Variants in METTL15 observed in about 807,000 individuals in gnomAD.
The protein encoded by METTL15 is 12S rRNA N(4)-cytidine methyltransferase METTL15.
A neutral mutation model predicts 38.3 loss-of-function variants in METTL15; 34 were observed. That is an observed-to-expected ratio of 0.89 (90% CI 0.68 to 1.18). The LOEUF is 1.18. Among genes scored for constraint, METTL15 ranks in the 50% most tolerant of loss-of-function variants. The pLI, the probability that METTL15 is intolerant of heterozygous loss-of-function variation, is 0.00. For missense variants in METTL15, 438 were observed against 498.4 expected (o/e 0.88, Z 1.15); for synonymous variants, 162 against 170.9 (o/e 0.95, Z 0.41).
chr11:28,492,109 G>A (rs1455759003), intron 6 of METTL15, among the ~76,000 whole-genome samples: 1 of 152,088 alleles, frequency 6.6e-6, no homozygotes, highest in African/African-American at 2.4e-5. Flanking sequence ...AAGTATGGCT[G>A]GTTTAGAACA....
At chr11:28,220,092 C>G (rs949744620) in intron 4 of METTL15, among the ~76,000 whole-genome samples, 2 of 152,130 alleles carry the variant, frequency 1.3e-5, no homozygotes, top group Non-Finnish European at 2.9e-5. Context: ...TTGTGCAGAG[C>G]TGAGTTCAAT....
downstream of METTL15, among the ~76,000 whole-genome samples, chr11:28,530,805 C>T (rs145640278): frequency 6.6e-6 from 1 of 151,876 alleles, no homozygotes; most frequent in Non-Finnish European, 1.5e-5. Flanking sequence ...TAGGCCCCAA[C>T]TGAAGAAATT....
At chr11:28,395,172 C>T (rs765070480) in intron 5 of METTL15, among the ~76,000 whole-genome samples, 1 of 152,008 alleles carries the variant, frequency 6.6e-6, no homozygotes, top group Non-Finnish European at 1.5e-5. Context: ...CATGATTCTG[C>T]TTTCAGAATT....
intron 5 of METTL15, among the ~76,000 whole-genome samples, chr11:28,397,564 G>T (rs574338380): frequency 1.3e-5 from 2 of 152,002 alleles, no homozygotes; most frequent in East Asian, 3.9e-4. Flanking sequence ...AGTTAGAATG[G>T]CGATCATTAA....
chr11:28,328,435 G>A (rs764114136), intron 6 of METTL15, among the ~76,000 whole-genome samples: 1 of 152,036 alleles, frequency 6.6e-6, no homozygotes. Flanking sequence ...ACTACTAGGT[G>A]TTTAGATTAC....
At chr11:28,213,357 T>C (rs1367161661) in intron 4 of METTL15, among the ~76,000 whole-genome samples, 3 of 152,072 alleles carry the variant, frequency 2.0e-5, no homozygotes, top group Non-Finnish European at 4.4e-5. Flanking sequence ...AAATCACTTT[T>C]GAACCTGATT....
At chr11:28,201,504 C>CTGGT (rs2133820445) in intron 3 of METTL15, among the ~76,000 whole-genome samples, 1 of 151,866 alleles carries the variant, frequency 6.6e-6, no homozygotes, top group South Asian at 2.1e-4. Context: ...GTGAACCCAT[C>CTGGT]TGGTCCTGGG....
intron 3 of METTL15, among the ~76,000 whole-genome samples, chr11:28,208,536 G>T (rs1240943645): frequency 1.3e-5 from 2 of 151,924 alleles, no homozygotes; most frequent in Non-Finnish European, 2.9e-5. Flanking sequence ...CCAAGTATGT[G>T]GTCAATTTTG....
intron 4 of METTL15, among the ~76,000 whole-genome samples, chr11:28,356,964 C>G (rs1431298973): frequency 6.6e-6 from 1 of 152,168 alleles, no homozygotes; most frequent in African/African-American, 2.4e-5. Flanking sequence ...ACTCATTTCT[C>G]GAGGAGACTG....
intron 3 of METTL15, among the ~76,000 whole-genome samples, chr11:28,167,692 A>G (rs1209882361): frequency 1.3e-5 from 2 of 151,716 alleles, no homozygotes; most frequent in Non-Finnish European, 2.9e-5. Context: ...ATCCCACAGT[A>G]CGAGATTCAC....
chr11:28,270,695 A>G (rs950645087), intron 4 of METTL15, among the ~76,000 whole-genome samples: 6 of 152,198 alleles, frequency 3.9e-5, no homozygotes, highest in African/African-American at 7.2e-5. Context: ...AAATAAGCAG[A>G]AAGCCCTTAA....
chr11:28,248,881 A>G (rs1363381104), intron 4 of METTL15, among the ~76,000 whole-genome samples: 2 of 152,048 alleles, frequency 1.3e-5, no homozygotes, highest in Non-Finnish European at 2.9e-5. Flanking sequence ...ACAAAACTCA[A>G]TACCTCTAAG....
intron 4 of METTL15, among the ~76,000 whole-genome samples, chr11:28,216,564 T>A (rs952195439): frequency 1.3e-5 from 2 of 151,872 alleles, no homozygotes; most frequent in African/African-American, 4.8e-5. Flanking sequence ...AGTGAGAAAC[T>A]TCTTTTTTTT....
intron 5 of METTL15, 26 bp downstream of exon 5, chr11:28,290,423 T>C: frequency 6.4e-7 from 1 of 1,567,560 alleles, no homozygotes; most frequent in Non-Finnish European, 8.6e-7. Context: ...GCATTTCATC[T>C]CACAACAAGA....
At chr11:28,290,445 C>G (rs781680335) in intron 5 of METTL15, 48 bp downstream of exon 5, 1 of 1,531,240 alleles carries the variant, frequency 6.5e-7, no homozygotes, top group South Asian at 1.2e-5. Flanking sequence ...ATCAATTTGT[C>G]AAAAACACTC....
intron 5 of METTL15, among the ~76,000 whole-genome samples, chr11:28,421,862 T>G: frequency 6.6e-6 from 1 of 151,890 alleles, no homozygotes; most frequent in East Asian, 1.9e-4. Context: ...GAGAAAGAAA[T>G]AAAGGGCATC....
chr11:28,421,473 A>G (rs544201243), intron 5 of METTL15, among the ~76,000 whole-genome samples: 56 of 152,220 alleles, frequency 3.7e-4, no homozygotes, highest in Admixed American at 1.2e-3. Context: ...GTATACAAGC[A>G]AACTGAATTC....
chr11:28,110,007 A>G (rs1405793597), intron 1 of METTL15, among the ~76,000 whole-genome samples, 159 bp from the exon 2 acceptor site: 1 of 152,266 alleles, frequency 6.6e-6, no homozygotes, highest in Admixed American at 6.5e-5. Flanking sequence ...CTGTGTTATC[A>G]GAATACAAGT....
chr11:28,237,597 C>T (rs1387043677), intron 4 of METTL15, among the ~76,000 whole-genome samples: 1 of 152,226 alleles, frequency 6.6e-6, no homozygotes, highest in African/African-American at 2.4e-5. Context: ...CTTCTTCTCT[C>T]AACTCGTCAA....
Sources: gnomAD v4.1 joint callset for allele counts (sites outside exome capture counted in the v4.1 genomes callset) on GRCh38, gnomAD v4.1.1 for gene constraint, MANE v1.5 for transcripts, NCBI Gene and HGNC (gene_info 2026-07-23, HGNC 2026-07-21) for gene names.